Variants in MED12L observed in about 807,000 individuals in gnomAD.
The protein encoded by MED12L is mediator complex subunit 12L.
In MED12L, 60 loss-of-function variants were observed where a neutral mutation model predicts 281.3. The ratio of observed to expected loss-of-function variants is 0.21; its 90% confidence interval spans 0.17 to 0.26. MED12L has a LOEUF of 0.26. MED12L is among the 10% of genes least tolerant of loss of function. The pLI is 1.00. For missense variants in MED12L, 2,146 were observed against 2,680.9 expected (o/e 0.80, Z 4.41); for synonymous variants, 974 against 987.2 (o/e 0.99, Z 0.25).
chr3:151,417,709 A>G (rs1348232032), intron 43 of MED12L, among the ~76,000 whole-genome samples: 4 of 152,012 alleles, frequency 2.6e-5, no homozygotes, highest in African/African-American at 9.7e-5. Context: ...ACCTCAGGTG[A>G]TCCACCCACT....
intron 16 of MED12L, chr3:151,198,925 G>C: frequency 6.2e-7 from 1 of 1,613,860 alleles, no homozygotes. Flanking sequence ...TGATGTCTTT[G>C]ATGGGAATCA....
chr3:151,353,188 T>A (rs1157300840), intron 17 of MED12L, among the ~76,000 whole-genome samples: 1 of 152,204 alleles, frequency 6.6e-6, no homozygotes, highest in African/African-American at 2.4e-5. Flanking sequence ...CTGTTGTTAT[T>A]ATTTGTTTTG....
chr3:151,367,902 G>T, intron 24 of MED12L, 136 bp downstream of exon 24: 1 of 1,060,420 alleles, frequency 9.4e-7, no homozygotes. Flanking sequence ...GGTAGATATG[G>T]TAGAATTTTA....
At chr3:151,162,232 C>G (rs532988643) in intron 8 of MED12L, among the ~76,000 whole-genome samples, 1 of 152,156 alleles carries the variant, frequency 6.6e-6, no homozygotes, top group South Asian at 2.1e-4. Context: ...AGGGCTCTGT[C>G]AGGAGGAGTT....
At chr3:151,125,089 C>A (rs1372462815) in intron 4 of MED12L, among the ~76,000 whole-genome samples, 3 of 152,166 alleles carry the variant, frequency 2.0e-5, no homozygotes, top group Non-Finnish European at 4.4e-5. Context: ...AGACAACTGC[C>A]CTGTGATTGC....
At chr3:151,223,469 A>G (rs1002697215) in intron 16 of MED12L, among the ~76,000 whole-genome samples, 5 of 152,274 alleles carry the variant, frequency 3.3e-5, no homozygotes, top group African/African-American at 1.2e-4. Context: ...GATTGGATGA[A>G]GAAAATATGG....
At chr3:151,251,381 G>A (rs918030702) in intron 16 of MED12L, among the ~76,000 whole-genome samples, 12 of 151,782 alleles carry the variant, frequency 7.9e-5, no homozygotes, top group Middle Eastern at 3.2e-3. Context: ...AAAGCCTGGT[G>A]ATTTTTTTTT....
chr3:151,269,298 G>A (rs959750910), intron 16 of MED12L: 1 of 156,138 alleles, frequency 6.4e-6, no homozygotes, highest in African/African-American at 2.4e-5. Context: ...TACTTGGGAG[G>A]CTGAGGCAGG....
intron 16 of MED12L, among the ~76,000 whole-genome samples, chr3:151,322,882 A>G (rs1749151651): frequency 6.6e-6 from 1 of 152,058 alleles, no homozygotes; most frequent in South Asian, 2.1e-4. Context: ...CTCAAAAAAG[A>G]TTATTCCCTA....
chr3:151,352,226 G>A (rs1468102105), intron 17 of MED12L, among the ~76,000 whole-genome samples: 1 of 152,186 alleles, frequency 6.6e-6, no homozygotes, highest in Non-Finnish European at 1.5e-5. Context: ...GTGAGATCAA[G>A]TGTGGAATTT....
chr3:151,089,223 A>G (rs1369438294), intron 2 of MED12L, among the ~76,000 whole-genome samples: 1 of 152,172 alleles, frequency 6.6e-6, no homozygotes, highest in East Asian at 1.9e-4. Flanking sequence ...TTTACATACT[A>G]TTTTTAATCT....
rs552034341 is a variant in MED12L, at chr3:151,294,069, G to A, written c.2251-55990G>A. The A allele has an allele frequency of 6.2e-4, 469 of 760,504 alleles. 2 individuals carry two copies. In the African/African-American group the frequency reaches 6.7e-3, roughly 11 times the overall value. 47.1% of individuals were successfully genotyped at this position (760,504 alleles called of 1,614,324 possible). On this transcript the variant is annotated intron_variant, in intron 16 of 44. Coordinates refer to ENST00000687756, the MANE Select transcript of MED12L (RefSeq NM_001393769.1). ...TATGACCCCATTTCATATCATTTTA[G>A]TTCTTTGAATTCATATTTTTGATGG...
At chr3:151,105,384 C>T (rs1277119778) in intron 2 of MED12L, among the ~76,000 whole-genome samples, 2 of 152,206 alleles carry the variant, frequency 1.3e-5, no homozygotes, top group Non-Finnish European at 2.9e-5. Flanking sequence ...CTGTCTTCCT[C>T]ACCTCCCACT....
At chr3:151,120,500 T>C (rs1713597988) in intron 3 of MED12L, among the ~76,000 whole-genome samples, 1 of 152,208 alleles carries the variant, frequency 6.6e-6, no homozygotes. Context: ...AATGGTAGCT[T>C]GATTAAATGT....
chr3:151,355,117 G>T lies in MED12L; in HGVS notation c.2399-4G>T. The T allele has an allele frequency of 4.4e-6, 7 of 1,604,130 alleles. No homozygotes were observed. The highest frequency in any genetic ancestry group is 6.0e-6 in the Non-Finnish European group (7 of 1,171,470). ...AATAATGGATCTGCTTTATGTTTAT[G>T]TAGTTGGGGACGAAGGACAAAAAGC... On this transcript the variant is annotated splice_polypyrimidine_tract_variant and splice_region_variant and intron_variant, in intron 17 of 44. Transcript: ENST00000687756.
At chr3:151,379,218 G>T (rs192688972) in intron 31 of MED12L, among the ~76,000 whole-genome samples, 1 of 152,190 alleles carries the variant, frequency 6.6e-6, no homozygotes, top group African/African-American at 2.4e-5. Flanking sequence ...TTGCTGATAG[G>T]TGAGTGTATG....
Position 151,435,058 on chromosome 3 carries a change from G to C in MED12L, c.*2254G>C, listed in dbSNP as rs1577649247. 1 of 124,588 alleles carries C rather than the reference G, an allele frequency of 8.0e-6. No homozygotes were observed. Among genetic ancestry groups the C allele is most frequent in the African/African-American group, 3.2e-5 (1 of 31,278 alleles). 7.7% of individuals were successfully genotyped at this position (124,588 alleles called of 1,614,324 possible). A position where few individuals can be genotyped will look rare whatever the true frequency, so the allele number is the denominator to read the frequency against. On this transcript the variant is annotated 3_prime_UTR_variant, in exon 45 of 45. Coordinates refer to ENST00000687756, the MANE Select transcript of MED12L (RefSeq NM_001393769.1). ...CCCTGTTAATTCTGTATCTTGAGAG[G>C]TTTCTTTTTTTTTTTTTTTTTTTTC...
At chr3:151,157,448 G>A (rs1719432818) in intron 6 of MED12L, among the ~76,000 whole-genome samples, 1 of 152,020 alleles carries the variant, frequency 6.6e-6, no homozygotes, top group Non-Finnish European at 1.5e-5. Flanking sequence ...TATTTATGAA[G>A]ATTCTCTTTG....
In MED12L at chr3:151,190,927, T is replaced by C. The variant is rs772125111; in HGVS notation, c.1964T>C (p.Met655Thr). 5.0e-6 allele frequency: 8 copies of C among 1,613,958 alleles called. No homozygotes were observed. In the South Asian group the frequency reaches 6.6e-5, roughly 13 times the overall value. ...TATTCAAAGGACCATGATGTGAAAA[T>C]GGAGGTATGGCCCTGGATATGATGC... is the stretch of plus-strand genomic sequence containing the variant. The part of the protein sequence containing the change: ...EHYSKDHDVK[M>T]EEQSIMAHMG... Residue 655 changes from methionine to threonine, a missense_variant, in exon 14 of 45, where the codon ATG becomes ACG. Around this residue, in one of 9 missense-constraint regions of MED12L, gnomAD observed 722 missense variants for 861.2 expected, o/e 0.84. Coordinates refer to ENST00000687756, the MANE Select transcript of MED12L (RefSeq NM_001393769.1).
Sources: allele counts gnomAD v4.1 joint callset (sites outside exome capture counted in the v4.1 genomes callset), GRCh38; gene constraint gnomAD v4.1.1; regional missense constraint gnomAD v4.1.1; transcripts MANE v1.5; gene names NCBI Gene and HGNC (gene_info 2026-07-23, HGNC 2026-07-21).